The following ACSS3 variants were observed in gnomAD, a reference collection of about 807,000 sequenced individuals.
The protein encoded by ACSS3 is acyl-CoA synthetase short-chain family member 3, mitochondrial.
ACSS3 carries 64 observed loss-of-function variants against 84.2 expected under a neutral mutation model. The observed-to-expected ratio is 0.76, with a 90% CI of 0.62 to 0.94. The LOEUF is 0.94. ACSS3 is among the 40% of genes least tolerant of loss of function. ACSS3 has a pLI of 0.00. For missense variants in ACSS3, 815 were observed against 867.6 expected, an observed-to-expected ratio of 0.94 and a Z score of 0.76; for synonymous variants, 317 against 310.1, an observed-to-expected ratio of 1.02 and a Z score of -0.23.
chr12:81,151,615 T>C (rs868829375), intron 5 of ACSS3: 8 of 399,724 alleles, frequency 2.0e-5, no homozygotes, highest in Non-Finnish European at 3.1e-5. Flanking sequence ...AATAATGTTA[T>C]GTGAGAATGG....
At chr12:81,185,759 A>G (rs1211187087) in intron 8 of ACSS3, among the ~76,000 whole-genome samples, 1 of 151,854 alleles carries the variant, frequency 6.6e-6, no homozygotes, top group Non-Finnish European at 1.5e-5. Flanking sequence ...GGAGGATTTA[A>G]TATTATTAAA....
At chr12:81,174,484 C>T (rs1324726456) in intron 7 of ACSS3, 1 of 208,814 alleles carries the variant, frequency 4.8e-6, no homozygotes, top group African/African-American at 2.3e-5. Flanking sequence ...TTGGCAAATA[C>T]AAGAATGTTT....
In ACSS3 at chr12:81,226,896, G is replaced by A. The variant is rs991219964; in HGVS notation, c.1515-4161G>A. Among the ~76,000 whole-genome samples the A allele has an allele frequency of 4.0e-5, 6 of 151,432 alleles. No individual in the cohort carries two copies. In the South Asian group the frequency reaches 6.2e-4, roughly 16 times the overall value. On this transcript the variant is annotated intron_variant, in intron 11 of 15. Coordinates refer to ENST00000548058, the MANE Select transcript of ACSS3 (RefSeq NM_024560.4). ...ATCTTTTGTTTTTAAAACACATTTG[G>A]TAACTTGGCTTTAACATGTCCCATT... is the stretch of plus-strand genomic sequence containing the variant.
At chr12:81,225,748 A>C (rs1565731117) in intron 11 of ACSS3, among the ~76,000 whole-genome samples, 1 of 151,946 alleles carries the variant, frequency 6.6e-6, no homozygotes, top group Non-Finnish European at 1.5e-5. Flanking sequence ...CTGTGATCAT[A>C]GTTTATATCC....
chr12:81,199,459 A>G lies in ACSS3; in HGVS notation c.1354+15A>G, dbSNP rs2031999016. The G allele has an allele frequency of 6.2e-7, 1 of 1,601,610 alleles. No homozygotes were observed. The highest frequency in any genetic ancestry group is 2.2e-5 in the East Asian group (1 of 44,748). ...GTGGCAAACTGGTAAGCATTTTCCT[A>G]GCATGTACATAAATAGTAAAGAAAT... On this transcript the variant is annotated intron_variant, in intron 9 of 15. Transcript: ENST00000548058.
chr12:81,204,278 TTCCTCCTCTTCTTC>T (rs2032242716), intron 9 of ACSS3, among the ~76,000 whole-genome samples: 1 of 80,036 alleles, frequency 1.2e-5, no homozygotes, highest in Non-Finnish European at 2.7e-5. Context: ...CTATTCTTCC[TTCCTCCTCTTCTTC>T]CTTCCTCCTC....
intron 2 of ACSS3, among the ~76,000 whole-genome samples, chr12:81,131,525 G>A (rs1450953280): frequency 6.6e-6 from 1 of 152,102 alleles, no homozygotes; most frequent in Non-Finnish European, 1.5e-5. Context: ...AGGAGATTTG[G>A]GGCTGAGATG....
At position 81,078,106 on chromosome 12, in the gene ACSS3, G is replaced by T. The variant is rs1031269482; in HGVS notation, c.-15G>T. On this transcript the variant is annotated 5_prime_UTR_variant, in exon 1 of 16. Transcript: ENST00000548058. ...CATTTGTCGCACACTCGGGGACCGC[G>T]GGTGGCCGGAGGAGATGAAACCGTC... 1 of 1,463,264 alleles carries T rather than the reference G, an allele frequency of 6.8e-7. No homozygotes were observed. Among genetic ancestry groups the T allele is most frequent in the Non-Finnish European group, 9.0e-7 (1 of 1,109,066 alleles). The allele number at this position is 1,463,264 out of a possible 1,614,324, so 90.6% of individuals were successfully genotyped here. A position where few individuals can be genotyped will look rare whatever the true frequency, so the allele number is the denominator to read the frequency against.
intron 8 of ACSS3, among the ~76,000 whole-genome samples, chr12:81,190,588 G>A (rs372424662): frequency 4.0e-5 from 6 of 151,842 alleles, no homozygotes; most frequent in Admixed American, 1.3e-4. Flanking sequence ...CTTTTATGCC[G>A]TTTATTTCTT....
chr12:81,199,717 T>C, intron 9 of ACSS3: 1 of 1,343,316 alleles, frequency 7.4e-7, no homozygotes, highest in East Asian at 4.2e-5. Flanking sequence ...ATCTGGTAAG[T>C]TACTAAGTCT....
intron 7 of ACSS3, among the ~76,000 whole-genome samples, chr12:81,165,347 T>C (rs1423565144): frequency 6.6e-6 from 1 of 152,032 alleles, no homozygotes; most frequent in Non-Finnish European, 1.5e-5. Flanking sequence ...GGAATTAAGA[T>C]TAATATAAAG....
intron 9 of ACSS3, among the ~76,000 whole-genome samples, chr12:81,212,824 C>A (rs1012441073): frequency 6.6e-6 from 1 of 152,012 alleles, no homozygotes; most frequent in African/African-American, 2.4e-5. Context: ...AGTAAAGATA[C>A]CATGAAGTTT....
chr12:81,236,425 T>C (rs2033632621), intron 13 of ACSS3, among the ~76,000 whole-genome samples: 1 of 151,412 alleles, frequency 6.6e-6, no homozygotes, highest in African/African-American at 2.4e-5. Flanking sequence ...TTTGTAGTAA[T>C]CATATAGCCA....
intron 7 of ACSS3, among the ~76,000 whole-genome samples, chr12:81,156,208 CCCA>C (rs1442101110): frequency 7.3e-5 from 9 of 124,008 alleles, no homozygotes; most frequent in African/African-American, 1.1e-4. Context: ...ACACACACAC[CCCA>C]CACACACACA....
At chr12:81,115,788 T>G (rs571269260) in intron 2 of ACSS3, among the ~76,000 whole-genome samples, 1 of 152,274 alleles carries the variant, frequency 6.6e-6, no homozygotes, top group East Asian at 1.9e-4. Flanking sequence ...GATGGTGAGT[T>G]AAATGATTTT....
At chr12:81,153,343 G>T (rs1198072078) in intron 7 of ACSS3, among the ~76,000 whole-genome samples, 2 of 151,590 alleles carry the variant, frequency 1.3e-5, no homozygotes, top group African/African-American at 2.4e-5. Flanking sequence ...GGGAGGTAGA[G>T]GTTGCAGTGA....
intron 1 of ACSS3, among the ~76,000 whole-genome samples, chr12:81,109,205 A>G (rs972464814): frequency 6.6e-6 from 1 of 152,122 alleles, no homozygotes; most frequent in African/African-American, 2.4e-5. Flanking sequence ...CACAATCCCC[A>G]ATGCCTCTGC....
chr12:81,197,824 TTC>T (rs1204366138), intron 8 of ACSS3, among the ~76,000 whole-genome samples: 1 of 152,152 alleles, frequency 6.6e-6, no homozygotes, highest in East Asian at 1.9e-4. Flanking sequence ...CCTTGTATTT[TTC>T]TTTTATTCTG....
intron 10 of ACSS3, among the ~76,000 whole-genome samples, chr12:81,219,034 G>A (rs1188225378): frequency 6.6e-6 from 1 of 151,992 alleles, no homozygotes; most frequent in East Asian, 1.9e-4. Flanking sequence ...AGTACCTTAT[G>A]CAAACTTGTC....
Sources: allele counts gnomAD v4.1 joint callset (sites outside exome capture counted in the v4.1 genomes callset), GRCh38; gene constraint gnomAD v4.1.1; transcripts MANE v1.5; gene names NCBI Gene and HGNC (gene_info 2026-07-23, HGNC 2026-07-21).